OXCT1: variants seen among roughly 807,000 people sequenced by gnomAD.
OXCT1 encodes 3-oxoacid CoA-transferase 1.
A neutral mutation model predicts 69.6 loss-of-function variants in OXCT1; 27 were observed. That is an observed-to-expected ratio of 0.39 (90% CI 0.29 to 0.54). The LOEUF is 0.54. Among genes scored for constraint, OXCT1 ranks in the 20% least tolerant of loss-of-function variants. The pLI, the probability that OXCT1 is intolerant of heterozygous loss-of-function variation, is 0.72. For missense variants in OXCT1, 437 were observed against 650.2 expected, an observed-to-expected ratio of 0.67 and a Z score of 3.57; for synonymous variants, 202 against 217.8, an observed-to-expected ratio of 0.93 and a Z score of 0.64.
At chr5:41,844,296 T>C (rs1748786146) in intron 5 of OXCT1, among the ~76,000 whole-genome samples, 1 of 152,194 alleles carries the variant, frequency 6.6e-6, no homozygotes, top group Non-Finnish European at 1.5e-5. Flanking sequence ...ATCCCCTCTA[T>C]TCCAAAAAGG....
At chr5:41,774,347 A>G (rs1745021211) in intron 13 of OXCT1, among the ~76,000 whole-genome samples, 1 of 152,194 alleles carries the variant, frequency 6.6e-6, no homozygotes, top group Non-Finnish European at 1.5e-5. Flanking sequence ...GCTAGAAGCA[A>G]TGATAGCCCA....
intron 1 of OXCT1, among the ~76,000 whole-genome samples, chr5:41,868,418 TC>T (rs764847943): frequency 6.6e-6 from 1 of 152,078 alleles, no homozygotes; most frequent in Non-Finnish European, 1.5e-5. Context: ...GTGGTACAGT[TC>T]AACAGAAGCA....
intron 14 of OXCT1, among the ~76,000 whole-genome samples, chr5:41,759,268 C>A (rs776955777): frequency 1.3e-5 from 2 of 152,122 alleles, no homozygotes; most frequent in Non-Finnish European, 2.9e-5. Flanking sequence ...CATATCTCAA[C>A]CTTACTTCAG....
At chr5:41,748,830 A>G (rs1743631836) in intron 15 of OXCT1, among the ~76,000 whole-genome samples, 1 of 152,066 alleles carries the variant, frequency 6.6e-6, no homozygotes, top group South Asian at 2.1e-4. Context: ...TGGCTTCTTC[A>G]AGGTACTGAA....
At chr5:41,849,839 T>C (rs1168508275) in intron 5 of OXCT1, among the ~76,000 whole-genome samples, 191 bp downstream of exon 5, 1 of 152,240 alleles carries the variant, frequency 6.6e-6, no homozygotes, top group Non-Finnish European at 1.5e-5. Context: ...TTCTTTTTAT[T>C]GTAGTTTCTC....
chr5:41,840,856 T>A (rs1046605112), intron 6 of OXCT1, among the ~76,000 whole-genome samples: 2 of 152,228 alleles, frequency 1.3e-5, no homozygotes, highest in Non-Finnish European at 2.9e-5. Context: ...GTATGCTTTG[T>A]CCCTATTAGT....
Position 41,794,041 on chromosome 5 carries a change from C to A in OXCT1, c.1210G>T (p.Val404Phe). ...TTAGCCAGGTCACCATATTTGGAAA[C>A]CTGCATCGCTCCTAGCATTGTCAGA... ...VDLTMLGAMQ[V>F]SKYGDLANWM... The change falls in exon 13 of 17, where the codon GTT (valine) becomes TTT (phenylalanine). Residue 404 changes from valine to phenylalanine, a missense_variant. This residue lies in a region of OXCT1 where 102 missense variants were observed against 162.1 expected (regional missense o/e 0.63). Coordinates refer to ENST00000196371, the MANE Select transcript of OXCT1 (RefSeq NM_000436.4). The A allele has an allele frequency of 6.2e-7, 1 of 1,613,296 alleles. No homozygotes were observed. The highest frequency in any genetic ancestry group is 1.3e-5 in the African/African-American group (1 of 74,978).
rs533862677 is a variant in OXCT1 at position 41,801,721 on chromosome 5, C to G, written c.1051-651G>C. Among the ~76,000 whole-genome samples, 22 of 152,206 alleles carry G rather than the reference C, an allele frequency of 1.4e-4. 1 individual carries two copies. The highest frequency in any genetic ancestry group is 3.4e-3 in the Middle Eastern group (1 of 294). ...TTTGGGTTTCTAATCTTACTCCTCACTACATCTAAGTTTTGATATACTTAT... is the reference window on the plus strand; with the variant it reads ...TTTGGGTTTCTAATCTTACTCCTCAGTACATCTAAGTTTTGATATACTTAT... On this transcript the variant is annotated intron_variant, in intron 10 of 16. Transcript: ENST00000196371.
intron 9 of OXCT1, among the ~76,000 whole-genome samples, chr5:41,803,924 T>TA (rs1164617873): frequency 2.6e-5 from 4 of 152,062 alleles, no homozygotes; most frequent in African/African-American, 9.7e-5. Flanking sequence ...TCACACTGCC[T>TA]GGAACTACTG....
intron 5 of OXCT1, among the ~76,000 whole-genome samples, chr5:41,844,275 A>G (rs547094508): frequency 1.3e-5 from 2 of 152,290 alleles, no homozygotes; most frequent in Non-Finnish European, 2.9e-5. Context: ...CTTGAATCTA[A>G]TGAGATTTTC....
chr5:41,737,116 C>A (rs2111983253), intron 16 of OXCT1, among the ~76,000 whole-genome samples: 1 of 152,252 alleles, frequency 6.6e-6, no homozygotes, highest in Admixed American at 6.5e-5. Flanking sequence ...TAAAGAGATG[C>A]CATTGATCGT....
At chr5:41,795,491 A>G (rs1283444558) in intron 11 of OXCT1, among the ~76,000 whole-genome samples, 1 of 152,228 alleles carries the variant, frequency 6.6e-6, no homozygotes, top group South Asian at 2.1e-4. Flanking sequence ...GTCAGAATCT[A>G]ATGCTACTGT....
chr5:41,821,106 G>C (rs1037275247), intron 7 of OXCT1, among the ~76,000 whole-genome samples: 7 of 152,128 alleles, frequency 4.6e-5, no homozygotes, highest in Admixed American at 3.3e-4. Flanking sequence ...ACATCCCCAA[G>C]CAACTCTGAA....
chr5:41,817,694 C>T (rs530879199), intron 7 of OXCT1, among the ~76,000 whole-genome samples: 1 of 152,310 alleles, frequency 6.6e-6, no homozygotes, highest in South Asian at 2.1e-4. Flanking sequence ...CAATTCATTA[C>T]TTTATAACCC....
chr5:41,819,294 T>A (rs533671447), intron 7 of OXCT1, among the ~76,000 whole-genome samples: 1 of 150,598 alleles, frequency 6.6e-6, no homozygotes, highest in Non-Finnish European at 1.5e-5. Flanking sequence ...TATTTAATAA[T>A]CTTTCAGGAG....
At chr5:41,786,392 G>A (rs1009397784) in intron 13 of OXCT1, among the ~76,000 whole-genome samples, 1 of 152,062 alleles carries the variant, frequency 6.6e-6, no homozygotes, top group Non-Finnish European at 1.5e-5. Flanking sequence ...TTTGATCCTG[G>A]TGGGTGCCAA....
chr5:41,814,870 T>C (rs961993434), intron 7 of OXCT1, among the ~76,000 whole-genome samples: 3 of 152,028 alleles, frequency 2.0e-5, no homozygotes, highest in African/African-American at 7.2e-5. Context: ...AAACTTAAAG[T>C]ATAATAATAA....
At chr5:41,752,787 G>A (rs1743860012) in intron 14 of OXCT1, among the ~76,000 whole-genome samples, 1 of 151,942 alleles carries the variant, frequency 6.6e-6, no homozygotes. Context: ...GACTAGTCCT[G>A]AGGCTCCTGA....
intron 11 of OXCT1, 124 bp downstream of exon 11, chr5:41,800,898 T>C: frequency 1.2e-6 from 1 of 843,720 alleles, no homozygotes. Context: ...AAAGCTTATC[T>C]CTCCTCCTCA....
Sources: gnomAD v4.1 joint callset for allele counts (sites outside exome capture counted in the v4.1 genomes callset) on GRCh38, gnomAD v4.1.1 for gene constraint, gnomAD v4.1.1 regional missense constraint, MANE v1.5 for transcripts, NCBI Gene and HGNC (gene_info 2026-07-23, HGNC 2026-07-21) for gene names.